NFATC2: variants seen among roughly 807,000 people sequenced by gnomAD.
NFATC2 encodes the protein nuclear factor of activated T-cells, cytoplasmic 2.
NFATC2 carries 22 observed loss-of-function variants against 87.3 expected under a neutral mutation model. That is an observed-to-expected ratio of 0.25 (90% CI 0.18 to 0.36). The LOEUF is 0.36. Ranked by LOEUF, NFATC2 falls within the 10% of genes least tolerant of loss-of-function variation. The probability of loss-of-function intolerance (pLI) is 1.00; values close to 1 mark genes in which losing one functional copy is unlikely to be tolerated. For synonymous variants in NFATC2, 565 were observed against 542.2 expected, an observed-to-expected ratio of 1.04 and a Z score of -0.58; for missense variants, 1,149 against 1,259.1, an observed-to-expected ratio of 0.91 and a Z score of 1.32.
At position 51,432,743 on chromosome 20, in the gene NFATC2, CTT is replaced by C; in HGVS notation, c.2044_2045del (p.Lys682AspfsTer6). The C allele has an allele frequency of 6.3e-7, 1 of 1,580,622 alleles. No homozygotes were observed. Among genetic ancestry groups the C allele is most frequent in the Non-Finnish European group, 8.5e-7 (1 of 1,171,646 alleles). ...GGTCATATTCATCCGTGGGCTCCGT[CTT>C]GATGGCTGGGACTGGGAGGAGAAAA... Reference protein sequence around the residue: ...HFTYHPVPAIKTEPTDEYDPT... With the variant: ...HFTYHPVPAIXTEPTDEYDPT... On this transcript the variant is annotated frameshift_variant, in exon 9 of 11. Coordinates refer to ENST00000371564, the MANE Select transcript of NFATC2 (RefSeq NM_012340.5). LOFTEE classifies it high-confidence loss of function. This position sits in a 1 kb window ranked among gnomAD's most constrained non-coding sequence, Gnocchi z 4.6.
rs552403028 is a variant in NFATC2, at chr20:51,457,405, T to C, written c.1709-2717A>G. ...ACTGGAAGGGGCTGCAAGCTCTCAG[T>C]GCTGGGCGGGAGGCTGGCGCGGACA... is the stretch of plus-strand genomic sequence containing the variant. On this transcript the variant is annotated intron_variant, in intron 5 of 10. Transcript: ENST00000371564. Among the ~76,000 whole-genome samples, 4 of 152,276 alleles carry C rather than the reference T, an allele frequency of 2.6e-5. No individual in the cohort carries two copies. In the East Asian group the frequency reaches 7.7e-4, roughly 29 times the overall value.
Position 51,390,211 on chromosome 20 carries a change from G to C in NFATC2, c.*1285C>G, listed in dbSNP as rs1986171624. ...AGTAGATTTCTTCATGTTAGAATTT[G>C]AGTGCGGATAGGTCTTCAGGGGCAG... On this transcript the variant is annotated 3_prime_UTR_variant, in exon 11 of 11. Transcript: ENST00000371564. The C allele has an allele frequency of 6.6e-6, 1 of 152,322 alleles. No homozygotes were observed. 9.4% of individuals were successfully genotyped at this position (152,322 alleles called of 1,614,324 possible). A position where few individuals can be genotyped will look rare whatever the true frequency, so the allele number is the denominator to read the frequency against.
At position 51,542,444 on chromosome 20, in the gene NFATC2, T is replaced by C. The variant is rs1434274965; in HGVS notation, c.56A>G (p.Glu19Gly). The C allele has an allele frequency of 6.3e-7, 1 of 1,592,882 alleles. No homozygotes were observed. Among genetic ancestry groups the C allele is most frequent in the Admixed American group, 1.7e-5 (1 of 58,032 alleles). ...QPDGGDAPGH[E>G]PGGSPQDELD... ...CTCGTCTTGGGGGCTGCCCCCAGGC[T>C]CGTGGCCTGGGGCGTCCCCGCCGTC... Residue 19 changes from glutamate (E) to glycine (G), a missense_variant, in exon 1 of 11, where the codon GAG (glutamate) becomes GGG (glycine). By Grantham distance (98) the Glu-to-Gly change is moderately conservative. This residue lies in a region of NFATC2 where 563 missense variants were observed against 585.2 expected (regional missense o/e 0.96). Transcript: ENST00000371564.
intron 1 of NFATC2, among the ~76,000 whole-genome samples, chr20:51,536,997 G>T (rs879274825): frequency 6.6e-6 from 1 of 152,128 alleles, no homozygotes; most frequent in African/African-American, 2.4e-5. Context: ...TGGGGGCCAG[G>T]GGAGGCCAGA....
At chr20:51,414,364 A>G (rs568152126) in intron 9 of NFATC2, among the ~76,000 whole-genome samples, 1 of 152,362 alleles carries the variant, frequency 6.6e-6, no homozygotes, top group African/African-American at 2.4e-5. Context: ...AGACATTGTC[A>G]GAGCCTTGGA....
chr20:51,433,663 G>C (rs369747313), intron 8 of NFATC2, among the ~76,000 whole-genome samples: 30 of 152,182 alleles, frequency 2.0e-4, no homozygotes, highest in African/African-American at 7.0e-4. Context: ...AGGAGTTGAG[G>C]AATCAGTTTT....
chr20:51,546,845 G>T (rs1444203355), upstream of NFATC2, among the ~76,000 whole-genome samples: 1 of 152,210 alleles, frequency 6.6e-6, no homozygotes, highest in Admixed American at 6.5e-5. Flanking sequence ...GGGACTGGAA[G>T]GTTGGTAGAA....
intron 3 of NFATC2, among the ~76,000 whole-genome samples, chr20:51,499,696 C>T (rs777242642): frequency 2.0e-5 from 3 of 150,660 alleles, no homozygotes; most frequent in Non-Finnish European, 3.0e-5. Context: ...GAGCCGAGAT[C>T]GCACCACTGC....
chr20:51,479,841 A>T (rs1173205412), intron 3 of NFATC2, among the ~76,000 whole-genome samples: 1 of 152,146 alleles, frequency 6.6e-6, no homozygotes. Flanking sequence ...TCCAAACTCC[A>T]GCCTCTCAGG....
intron 5 of NFATC2, among the ~76,000 whole-genome samples, chr20:51,461,705 CCTGA>C (rs1252133610): frequency 2.0e-5 from 3 of 152,246 alleles, no homozygotes; most frequent in African/African-American, 2.4e-5. Flanking sequence ...GAAGTTATTG[CCTGA>C]CTATCTGAAA....
intron 1 of NFATC2, among the ~76,000 whole-genome samples, chr20:51,530,389 G>A (rs1467317846): frequency 3.3e-5 from 5 of 152,000 alleles, no homozygotes; most frequent in Admixed American, 1.3e-4. Context: ...GGCTAGTCTC[G>A]AACTCCTGAC....
chr20:51,498,513 A>G (rs1301196110), intron 3 of NFATC2, among the ~76,000 whole-genome samples: 1 of 152,202 alleles, frequency 6.6e-6, no homozygotes, highest in African/African-American at 2.4e-5. Flanking sequence ...AGAAACAAAC[A>G]GAGGCCAGGC....
intron 2 of NFATC2, among the ~76,000 whole-genome samples, chr20:51,520,793 T>G (rs1180261475): frequency 6.6e-6 from 1 of 152,040 alleles, no homozygotes; most frequent in Non-Finnish European, 1.5e-5. Context: ...CCCGAGTAGC[T>G]GGGATTACAG....
chr20:51,522,332 G>A lies in NFATC2; in HGVS notation c.1160+749C>T, dbSNP rs371365634. On this transcript the variant is annotated intron_variant, in intron 2 of 10. Coordinates refer to ENST00000371564, the MANE Select transcript of NFATC2 (RefSeq NM_012340.5). ...CTCTTGATTGATTAGTGATGTCTGC[G>A]CTAGGCACGGCTTCATAAAGGTGCC... is the stretch of plus-strand genomic sequence containing the variant. 3.2e-3 allele frequency among the ~76,000 whole-genome samples: 485 copies of A among 152,284 alleles called. 4 individuals are homozygous for A. The highest frequency in any genetic ancestry group is 0.011 in the African/African-American group (442 of 41,544).
At chr20:51,429,699 G>C (rs1387754404) in intron 9 of NFATC2, among the ~76,000 whole-genome samples, 5 of 152,182 alleles carry the variant, frequency 3.3e-5, no homozygotes, top group African/African-American at 1.2e-4. Context: ...GCAGGATAAA[G>C]ACTCTCAGAA....
At chr20:51,466,620 C>A (rs1282654816) in intron 5 of NFATC2, among the ~76,000 whole-genome samples, 2 of 152,144 alleles carry the variant, frequency 1.3e-5, no homozygotes, top group East Asian at 3.8e-4. Flanking sequence ...AAACATGAAA[C>A]CAGAACCGAA....
intron 1 of NFATC2, among the ~76,000 whole-genome samples, chr20:51,525,765 T>G (rs1600951572): frequency 6.6e-6 from 1 of 152,086 alleles, no homozygotes; most frequent in East Asian, 1.9e-4. Flanking sequence ...TGCAGTCATC[T>G]CCTCCCTGGC....
chr20:51,407,785 G>A (rs1978559523), intron 9 of NFATC2, among the ~76,000 whole-genome samples: 1 of 152,230 alleles, frequency 6.6e-6, no homozygotes, highest in Admixed American at 6.5e-5. Context: ...CGTGGAGTCT[G>A]GAACCCTAAG....
chr20:51,396,828 C>A (rs1987222369), intron 10 of NFATC2, among the ~76,000 whole-genome samples: 1 of 152,154 alleles, frequency 6.6e-6, no homozygotes, highest in African/African-American at 2.4e-5. Context: ...GGATCTTCTG[C>A]CTTTGGTCCT....
Sources: allele counts gnomAD v4.1 joint callset (sites outside exome capture counted in the v4.1 genomes callset), GRCh38; gene constraint gnomAD v4.1.1; regional missense constraint gnomAD v4.1.1; non-coding constraint Gnocchi (gnomAD v3.1); transcripts MANE v1.5; gene names NCBI Gene and HGNC (gene_info 2026-07-23, HGNC 2026-07-21).